PCDHA8: variants seen among roughly 807,000 people sequenced by gnomAD.
PCDHA8 encodes the protein protocadherin alpha 8.
In PCDHA8, 53 loss-of-function variants were observed where a neutral mutation model predicts 61.8. That is an observed-to-expected ratio of 0.86 (90% CI 0.69 to 1.08). The LOEUF is 1.08. PCDHA8 is among the 50% of genes least tolerant of loss of function. The pLI is 0.00. For missense variants in PCDHA8, 1,293 were observed against 1,245.0 expected, an observed-to-expected ratio of 1.04 and a Z score of -0.58; for synonymous variants, 618 against 556.6, an observed-to-expected ratio of 1.11 and a Z score of -1.55.
At chr5:141,007,030 A>G (rs1554261014) in intron 3 of PCDHA8, among the ~76,000 whole-genome samples, 1 of 152,186 alleles carries the variant, frequency 6.6e-6, no homozygotes, top group African/African-American at 2.4e-5. Flanking sequence ...TATGGTATTT[A>G]TATCTATGGA....
Position 140,841,426 on chromosome 5 carries a change from C to A in PCDHA8, c.105C>A (p.Val35=), listed in dbSNP as rs17844313. 720 of 1,612,904 alleles carry A rather than the reference C, an allele frequency of 4.5e-4. 14 individuals are homozygous for A. The East Asian group carries it at 5.0e-3, about 11-fold the overall frequency. ...GGAGCGGCCAGCTCCACTACTCCGT[C>A]CCCGAGGAGGCCAAACACGGCACCT... ...KVGSGQLHYS[V]PEEAKHGTFV... Residue 35 remains valine, a synonymous_variant, in exon 1 of 4, where the codon GTC becomes GTA. Coordinates refer to ENST00000531613, the MANE Select transcript of PCDHA8 (RefSeq NM_018911.3).
At chr5:140,877,853 AT>A in intron 1 of PCDHA8, 2 of 1,535,524 alleles carry the variant, frequency 1.3e-6, no homozygotes, top group Non-Finnish European at 1.7e-6. Context: ...AGTTATTAAT[AT>A]TATTTAGATA....
intron 1 of PCDHA8, chr5:140,968,734 C>A: frequency 6.2e-7 from 1 of 1,614,162 alleles, no homozygotes; most frequent in Non-Finnish European, 8.5e-7. Flanking sequence ...GTAGCACTTT[C>A]AACCTGACCG....
chr5:140,938,215 G>C (rs1270663444), intron 1 of PCDHA8, among the ~76,000 whole-genome samples: 3 of 152,100 alleles, frequency 2.0e-5, no homozygotes, highest in Non-Finnish European at 4.4e-5. Context: ...CAAAGTGCTG[G>C]GATTACAGGC....
At chr5:140,969,249 ACAG>A in intron 1 of PCDHA8, 1 of 1,614,240 alleles carries the variant, frequency 6.2e-7, no homozygotes, top group Non-Finnish European at 8.5e-7. Flanking sequence ...GCAGTGACTG[ACAG>A]CAGGAATCTC....
chr5:140,932,351 A>C (rs1401387848), intron 1 of PCDHA8, among the ~76,000 whole-genome samples: 1 of 151,920 alleles, frequency 6.6e-6, no homozygotes, highest in Non-Finnish European at 1.5e-5. Flanking sequence ...TTACCATACA[A>C]CTGGCCTTAT....
chr5:140,876,834 G>C (rs1481867678), intron 1 of PCDHA8: 2 of 1,614,042 alleles, frequency 1.2e-6, no homozygotes, highest in Non-Finnish European at 1.7e-6. Context: ...ATGCGCCTGC[G>C]TTCGCGCAGC....
intron 1 of PCDHA8, among the ~76,000 whole-genome samples, chr5:140,962,845 C>G (rs2095712902): frequency 6.6e-6 from 1 of 152,172 alleles, no homozygotes; most frequent in African/African-American, 2.4e-5. Flanking sequence ...TATTATATAA[C>G]TTGTGCTCGG....
chr5:140,992,070 GA>G (rs1554252639), intron 3 of PCDHA8, among the ~76,000 whole-genome samples: 1 of 151,052 alleles, frequency 6.6e-6, no homozygotes, highest in Non-Finnish European at 1.5e-5. Context: ...AATTTCAGTA[GA>G]GAATGAGCTA....
chr5:140,999,125 G>A (rs1554256627), intron 3 of PCDHA8, among the ~76,000 whole-genome samples: 1 of 152,152 alleles, frequency 6.6e-6, no homozygotes, highest in Non-Finnish European at 1.5e-5. Context: ...TTCTAAGCTG[G>A]AAAATGTCAC....
At chr5:140,914,095 C>G (rs1368870998) in intron 1 of PCDHA8, among the ~76,000 whole-genome samples, 1 of 152,082 alleles carries the variant, frequency 6.6e-6, no homozygotes, top group Non-Finnish European at 1.5e-5. Context: ...TCAATTTGTT[C>G]TATAGTGCAG....
intron 1 of PCDHA8, among the ~76,000 whole-genome samples, chr5:140,946,434 T>C (rs1554217579): frequency 2.0e-5 from 3 of 151,312 alleles, no homozygotes; most frequent in South Asian, 2.1e-4. Context: ...TACTCAAAAA[T>C]TGAGACTAAA....
In PCDHA8 at chr5:140,841,348, G is replaced by A; in HGVS notation, c.27G>A (p.Leu9=). 1 of 1,612,736 alleles carries A rather than the reference G, an allele frequency of 6.2e-7. No individual in the cohort carries two copies. The highest frequency in any genetic ancestry group is 8.5e-7 in the Non-Finnish European group (1 of 1,179,198). The stretch of plus-strand genomic sequence containing the variant: ...TGGATTATCACTGGCGAGGAGAGCT[G>A]GGATCCTGGCGACTACTACTCTTGC... The part of the protein sequence containing the change: MDYHWRGE[L]GSWRLLLLLL... The change falls in exon 1 of 4, where the codon CTG becomes CTA. Residue 9 remains leucine, a synonymous_variant. Coordinates refer to ENST00000531613, the MANE Select transcript of PCDHA8 (RefSeq NM_018911.3).
intron 1 of PCDHA8, among the ~76,000 whole-genome samples, chr5:140,955,670 T>C (rs1212129993): frequency 6.6e-6 from 1 of 152,140 alleles, no homozygotes; most frequent in East Asian, 1.9e-4. Flanking sequence ...TTTAACATAG[T>C]TTTTTCGAAA....
chr5:140,966,934 G>C (rs782780798), intron 1 of PCDHA8: 3 of 1,604,080 alleles, frequency 1.9e-6, no homozygotes, highest in Non-Finnish European at 2.5e-6. Flanking sequence ...CACCCGGCGC[G>C]CTCGTGGGCA....
chr5:140,953,576 C>T (rs1466296429), intron 1 of PCDHA8, among the ~76,000 whole-genome samples: 1 of 152,090 alleles, frequency 6.6e-6, no homozygotes, highest in Non-Finnish European at 1.5e-5. Flanking sequence ...CCTCCTCTCC[C>T]AAAACTGCCT....
intron 1 of PCDHA8, chr5:140,870,927 T>C (rs782446287): frequency 1.9e-6 from 3 of 1,613,880 alleles, no homozygotes; most frequent in Non-Finnish European, 2.5e-6. Context: ...GGCTTTCATA[T>C]GAATTGCAGC....
chr5:140,858,347 C>T lies in PCDHA8; in HGVS notation c.2394+14632C>T. ...TGGGGAGGGCCTGCCCAAGGCGGAC[C>T]TCATGGCCTTCAGCCCCAGCCTTCC... On this transcript the variant is annotated intron_variant, in intron 1 of 3. Transcript: ENST00000531613. 3 of 1,594,932 alleles carry T rather than the reference C, an allele frequency of 1.9e-6. No individual in the cohort carries two copies. The East Asian group carries it at 6.7e-5, about 36-fold the overall frequency.
At chr5:140,863,326 G>A (rs782427157) in intron 1 of PCDHA8, 10 of 1,432,588 alleles carry the variant, frequency 7.0e-6, no homozygotes, top group Non-Finnish European at 9.5e-6. Flanking sequence ...CAGCCTGTTA[G>A]TGCTCACGTT....
Sources: allele counts gnomAD v4.1 joint callset (sites outside exome capture counted in the v4.1 genomes callset), GRCh38; gene constraint gnomAD v4.1.1; transcripts MANE v1.5; gene names NCBI Gene and HGNC (gene_info 2026-07-23, HGNC 2026-07-21).